MICAL2: variants seen among roughly 807,000 people sequenced by gnomAD.
The protein encoded by MICAL2 is microtubule associated monooxygenase, calponin and LIM domain containing 2.
In MICAL2, 77 loss-of-function variants were observed where a neutral mutation model predicts 127.3. That is an observed-to-expected ratio of 0.60 (90% CI 0.50 to 0.73). MICAL2 has a LOEUF of 0.73. MICAL2 is among the 30% of genes least tolerant of loss of function. The pLI, the probability that MICAL2 is intolerant of heterozygous loss-of-function variation, is 0.00. For missense variants in MICAL2, 1,351 were observed against 1,434.4 expected, an observed-to-expected ratio of 0.94 and a Z score of 0.94; for synonymous variants, 570 against 551.1, an observed-to-expected ratio of 1.03 and a Z score of -0.48.
chr11:12,264,558 C>T (rs1863531936), downstream of MICAL2, among the ~76,000 whole-genome samples: 1 of 152,136 alleles, frequency 6.6e-6, no homozygotes, highest in Non-Finnish European at 1.5e-5. Context: ...CTGGGCGTAG[C>T]TGGGCGTAGC....
In MICAL2 at chr11:12,301,066, C is replaced by G. The variant is rs190586630; in HGVS notation, c.5212+6209C>G. Among the ~76,000 whole-genome samples the G allele has an allele frequency of 1.9e-4, 29 of 152,296 alleles. No homozygotes were observed. The East Asian group carries it at 5.0e-3, about 26-fold the overall frequency. On this transcript the variant is annotated intron_variant, in intron 29 of 34. Transcript: ENST00000646065. ...TCATGGCGGGAGGCAAAAGGCACTT[C>G]TTACATGGCAGTGGCAAGAGAAAAT...
At chr11:12,157,513 G>T (rs1454926307) in intron 2 of MICAL2, among the ~76,000 whole-genome samples, 1 of 152,148 alleles carries the variant, frequency 6.6e-6, no homozygotes, top group East Asian at 1.9e-4. Context: ...AAACCAAATT[G>T]CTTCAAGGCT....
At chr11:12,342,770 G>C (rs74376939) in intron 32 of MICAL2, among the ~76,000 whole-genome samples, 1 of 152,222 alleles carries the variant, frequency 6.6e-6, no homozygotes, top group Admixed American at 6.5e-5. Flanking sequence ...GCAGACAGAC[G>C]TGAGGTTACG....
At chr11:12,284,133 G>A (rs1056738497) in intron 2 of MICAL2, among the ~76,000 whole-genome samples, 22 of 152,226 alleles carry the variant, frequency 1.4e-4, no homozygotes, top group African/African-American at 5.3e-4. Context: ...TCGATCTAGT[G>A]CATTGGACTC....
At chr11:12,328,145 C>T (rs890938992) in intron 32 of MICAL2, among the ~76,000 whole-genome samples, 4 of 152,192 alleles carry the variant, frequency 2.6e-5, no homozygotes, top group African/African-American at 9.7e-5. Flanking sequence ...TGGATTCAAA[C>T]AGAACTCATC....
downstream of MICAL2, chr11:12,294,550 C>T (rs1280916154): frequency 2.5e-6 from 4 of 1,614,194 alleles, no homozygotes; most frequent in African/African-American, 1.3e-5. Context: ...TCCCCACACT[C>T]CTCGAGAAAG....
intron 9 of MICAL2, among the ~76,000 whole-genome samples, chr11:12,220,688 T>G (rs1160635205): frequency 6.6e-6 from 1 of 152,228 alleles, no homozygotes; most frequent in African/African-American, 2.4e-5. Flanking sequence ...CTCCTGGCTC[T>G]TTTGCACTGA....
intron 1 of MICAL2, among the ~76,000 whole-genome samples, chr11:12,114,139 GT>G (rs1849814139): frequency 6.6e-6 from 1 of 152,176 alleles, no homozygotes; most frequent in Non-Finnish European, 1.5e-5. Context: ...AGCTTCCACA[GT>G]TATTGAGATT....
At chr11:12,191,522 G>T (rs1051014253) in intron 3 of MICAL2, among the ~76,000 whole-genome samples, 1 of 151,148 alleles carries the variant, frequency 6.6e-6, no homozygotes, top group Non-Finnish European at 1.5e-5. Flanking sequence ...CCAGCAATTT[G>T]GGAGGCCAAG....
chr11:12,261,983 A>G (rs1863176960), intron 26 of MICAL2: 1 of 998,040 alleles, frequency 1.0e-6, no homozygotes, highest in East Asian at 1.0e-4. Context: ...TGCTTTGTGG[A>G]GTGTTCCATG....
chr11:12,227,026 T>C lies in MICAL2; in HGVS notation c.1890T>C (p.Asp630=), dbSNP rs1857567900. 1 of 1,613,094 alleles carries C rather than the reference T, an allele frequency of 6.2e-7. No individual in the cohort carries two copies. Residue 630 remains aspartate, a splice_region_variant and synonymous_variant, in exon 15 of 28, where the codon GAT becomes GAC. Transcript: ENST00000683283. The stretch of plus-strand genomic sequence containing the variant: ...CAGTTGCGCTTTATTTCCCAACAGA[T>C]TCTTGGCGCAAAAACTATGGAGAAA... The part of the protein sequence containing the change: ...LFRGTPLRPV[D]SWRKNYGENA...
intron 26 of MICAL2, chr11:12,261,280 A>G: frequency 1.0e-6 from 1 of 985,526 alleles, no homozygotes; most frequent in Non-Finnish European, 1.2e-6. Context: ...CTGCCCTGGG[A>G]AAGGAATGGG....
chr11:12,224,306 A>G (rs1404708999), intron 12 of MICAL2: 1 of 201,412 alleles, frequency 5.0e-6, no homozygotes, highest in Non-Finnish European at 1.0e-5. Context: ...GACTCAGGCA[A>G]ACCTGCTAAT....
intron 22 of MICAL2, 105 bp from the exon 23 acceptor site, chr11:12,255,538 G>A: frequency 1.1e-6 from 1 of 946,142 alleles, no homozygotes; most frequent in Non-Finnish European, 1.7e-6. Flanking sequence ...CTATTTGCAT[G>A]TGGGTGAGGA....
chr11:12,118,892 A>G (rs1053766979), intron 1 of MICAL2, among the ~76,000 whole-genome samples: 2 of 152,150 alleles, frequency 1.3e-5, no homozygotes, highest in Admixed American at 6.5e-5. Flanking sequence ...TTTCACATTT[A>G]ACGAGTGACC....
At chr11:12,117,785 G>A (rs1324248629) in intron 1 of MICAL2, among the ~76,000 whole-genome samples, 1 of 152,194 alleles carries the variant, frequency 6.6e-6, no homozygotes, top group Non-Finnish European at 1.5e-5. Flanking sequence ...TGCAAAGGTA[G>A]TAAGATCAGG....
At chr11:12,178,597 A>G (rs965293758) in intron 3 of MICAL2, among the ~76,000 whole-genome samples, 1 of 152,180 alleles carries the variant, frequency 6.6e-6, no homozygotes, top group South Asian at 2.1e-4. Context: ...GAGTTAAGAA[A>G]AAAGGGGTTG....
At chr11:12,353,182 G>C (rs2134905421) in intron 33 of MICAL2, among the ~76,000 whole-genome samples, 1 of 152,276 alleles carries the variant, frequency 6.6e-6, no homozygotes, top group South Asian at 2.1e-4. Context: ...AGCACCTATA[G>C]GGGTGATGTG....
At chr11:12,171,080 C>T (rs76619518) in intron 3 of MICAL2, among the ~76,000 whole-genome samples, 9,428 of 152,270 alleles carry the variant, frequency 0.062, 395 homozygotes, top group Admixed American at 0.13. Context: ...AGTTTGCATC[C>T]GAGCATTCCT....
Sources: gnomAD v4.1 joint callset for allele counts (sites outside exome capture counted in the v4.1 genomes callset) on GRCh38, gnomAD v4.1.1 for gene constraint, MANE v1.5 for transcripts, NCBI Gene and HGNC (gene_info 2026-07-23, HGNC 2026-07-21) for gene names.